The following CHN2 variants were observed in gnomAD, a reference collection of about 807,000 sequenced individuals.
The protein encoded by CHN2 is beta-chimaerin.
A neutral mutation model predicts 56.3 loss-of-function variants in CHN2; 35 were observed. That is an observed-to-expected ratio of 0.62 (90% CI 0.47 to 0.82). CHN2 has a LOEUF of 0.82. CHN2 is among the 40% of genes least tolerant of loss of function. CHN2 has a pLI of 0.00. For missense variants in CHN2, 491 were observed against 580.5 expected (o/e 0.85, Z 1.58); for synonymous variants, 210 against 212.8 (o/e 0.99, Z 0.12).
chr7:29,244,474 G>A (rs1443401733), intron 1 of CHN2, among the ~76,000 whole-genome samples: 1 of 152,246 alleles, frequency 6.6e-6, no homozygotes, highest in Admixed American at 6.5e-5. Context: ...CTTCAAGGCT[G>A]ATAGGTTTCA....
chr7:29,228,670 CAAAT>C (rs1297042476), intron 1 of CHN2, among the ~76,000 whole-genome samples: 3 of 152,160 alleles, frequency 2.0e-5, no homozygotes, highest in Non-Finnish European at 4.4e-5. Flanking sequence ...TTAGACAAAA[CAAAT>C]AAACAAAACA....
intron 11 of CHN2, among the ~76,000 whole-genome samples, chr7:29,507,607 G>T (rs1325220636): frequency 6.6e-6 from 1 of 152,040 alleles, no homozygotes; most frequent in East Asian, 1.9e-4. Flanking sequence ...CTTGTATGCT[G>T]GGAACCAACA....
At chr7:29,298,304 G>T in intron 1 of CHN2, among the ~76,000 whole-genome samples, 1 of 152,102 alleles carries the variant, frequency 6.6e-6, no homozygotes, top group African/African-American at 2.4e-5. Context: ...TTTGCCTTTG[G>T]ATTTCTTAGC....
chr7:29,154,202 T>C (rs2128697450), intron 2 of CHN2, among the ~76,000 whole-genome samples: 1 of 152,282 alleles, frequency 6.6e-6, no homozygotes, highest in South Asian at 2.1e-4. Context: ...TTGCAGAATC[T>C]GTGGAACAGG....
intron 8 of CHN2, among the ~76,000 whole-genome samples, chr7:29,498,818 G>A (rs1424603003): frequency 1.4e-5 from 2 of 147,964 alleles, no homozygotes; most frequent in African/African-American, 2.6e-5. Context: ...CTGGAGTGCG[G>A]TGGCGCAATC....
intron 4 of CHN2, 134 bp from the exon 5 acceptor site, chr7:29,398,236 CAGT>C: frequency 4.8e-6 from 3 of 624,274 alleles, no homozygotes; most frequent in Non-Finnish European, 8.6e-6. Context: ...TTAAGATGGG[CAGT>C]AGTCACCCCC....
rs765290417 is a variant in CHN2, at chr7:29,473,470, GT to G, written c.577-6796del. On this transcript the variant is annotated intron_variant, in intron 6 of 12. Transcript: ENST00000222792. Reference sequence around the variant, plus strand: ...GGGGTGTTTGTGTGTGTGTGTTTGTGTTTTTTTTTTTTTGTGTGTGTGTGTG... The same window carrying G: ...GGGGTGTTTGTGTGTGTGTGTTTGTGTTTTTTTTTTTTGTGTGTGTGTGTG... Among the ~76,000 whole-genome samples, 140 of 93,508 alleles carry G rather than the reference GT, an allele frequency of 1.5e-3. 1 individual carries two copies. The highest frequency in any genetic ancestry group is 2.4e-3 in the East Asian group (9 of 3,682). The allele number at this position is 93,508 out of a possible 152,430, so 61.3% of individuals were successfully genotyped here.
chr7:29,440,729 A>C (rs997665185), intron 6 of CHN2, among the ~76,000 whole-genome samples: 7 of 151,556 alleles, frequency 4.6e-5, no homozygotes, highest in Middle Eastern at 6.9e-3. Context: ...ACAGAGAGGA[A>C]AAGGAGTTTG....
At chr7:29,371,946 C>G (rs1362663300) in intron 3 of CHN2, among the ~76,000 whole-genome samples, 4 of 152,160 alleles carry the variant, frequency 2.6e-5, no homozygotes, top group Admixed American at 6.5e-5. Context: ...CACCTGATCT[C>G]CCTGCTTCCA....
At chr7:29,393,809 A>G in intron 4 of CHN2, 99 bp downstream of exon 4, 1 of 410,196 alleles carries the variant, frequency 2.4e-6, no homozygotes, top group South Asian at 3.4e-5. Context: ...TCATCATCAT[A>G]TGTCTATTGT....
intron 3 of CHN2, among the ~76,000 whole-genome samples, chr7:29,371,345 A>C (rs944842808): frequency 6.6e-6 from 1 of 152,230 alleles, no homozygotes; most frequent in African/African-American, 2.4e-5. Context: ...GCCAGGCAGG[A>C]TCAGGTCGTG....
Position 29,354,782 on chromosome 7 carries a change from A to G in CHN2, c.88+119A>G. The G allele has an allele frequency of 2.4e-6, 2 of 847,770 alleles. 1 individual carries two copies. The highest frequency in any genetic ancestry group is 3.1e-5 in the South Asian group (2 of 65,172). 52.5% of individuals were successfully genotyped at this position (847,770 alleles called of 1,614,324 possible). A position where few individuals can be genotyped will look rare whatever the true frequency, so the allele number is the denominator to read the frequency against. On this transcript the variant is annotated intron_variant, in intron 2 of 12. Coordinates refer to ENST00000222792, the MANE Select transcript of CHN2 (RefSeq NM_004067.4). ...CCACCTCACAGCACTGAAAACCCAA[A>G]TCTTTCTTTCCACTGAGGAAAAAGA...
intron 1 of CHN2, among the ~76,000 whole-genome samples, chr7:29,324,460 T>TG (rs1795640764): frequency 6.6e-6 from 1 of 152,142 alleles, no homozygotes; most frequent in African/African-American, 2.4e-5. Context: ...AGATAGGGGT[T>TG]GGGTTAGTTC....
At chr7:29,174,711 T>C (rs900165830) in intron 2 of CHN2, among the ~76,000 whole-genome samples, 10 of 151,886 alleles carry the variant, frequency 6.6e-5, no homozygotes, top group Non-Finnish European at 1.5e-5. Context: ...AGATACAAAA[T>C]TAGCTGGGCA....
At chr7:29,431,363 G>A (rs779119786) in intron 6 of CHN2, among the ~76,000 whole-genome samples, 6 of 152,138 alleles carry the variant, frequency 3.9e-5, no homozygotes, top group Non-Finnish European at 8.8e-5. Context: ...CTTAGCCACG[G>A]CTAACTTCGG....
intron 1 of CHN2, among the ~76,000 whole-genome samples, chr7:29,283,873 T>C (rs1242037496): frequency 7.0e-6 from 1 of 143,120 alleles, no homozygotes; most frequent in Admixed American, 7.1e-5. Context: ...TGCCTCTGCC[T>C]CCCAAAATGT....
chr7:29,376,288 G>C (rs532029248), intron 3 of CHN2: 1 of 152,140 alleles, frequency 6.6e-6, no homozygotes, highest in Non-Finnish European at 1.5e-5. Context: ...TGGATGCTAC[G>C]CCCACCACAA....
At chr7:29,205,012 A>G (rs1329233025) in intron 1 of CHN2, among the ~76,000 whole-genome samples, 1 of 152,226 alleles carries the variant, frequency 6.6e-6, no homozygotes, top group Non-Finnish European at 1.5e-5. Flanking sequence ...TTGGTTCCGC[A>G]TTCTAAAGTA....
intron 3 of CHN2, among the ~76,000 whole-genome samples, chr7:29,368,823 AT>A (rs1249481442): frequency 6.6e-6 from 1 of 152,104 alleles, no homozygotes; most frequent in Non-Finnish European, 1.5e-5. Flanking sequence ...GGTTTAATAC[AT>A]TTTTCTACAT....
Sources: gnomAD v4.1 joint callset for allele counts (sites outside exome capture counted in the v4.1 genomes callset) on GRCh38, gnomAD v4.1.1 for gene constraint, MANE v1.5 for transcripts, NCBI Gene and HGNC (gene_info 2026-07-23, HGNC 2026-07-21) for gene names.